CCDC88B: variants seen among roughly 807,000 people sequenced by gnomAD.
The protein encoded by CCDC88B is coiled-coil and HOOK domain protein 88B, also known as coiled-coil domain-containing protein 88B.
In CCDC88B, 138 loss-of-function variants were observed where a neutral mutation model predicts 183.7. That is an observed-to-expected ratio of 0.75 (90% confidence interval 0.65 to 0.87). The LOEUF (loss-of-function observed/expected upper bound fraction) is 0.87, where lower values mean the gene tolerates loss of function less well. Among genes scored for constraint, CCDC88B ranks in the 40% least tolerant of loss-of-function variants. The pLI is 0.00. For missense variants in CCDC88B, 1,822 were observed against 1,965.6 expected (o/e 0.93, Z 1.38); for synonymous variants, 835 against 867.5 (o/e 0.96, Z 0.66).
In CCDC88B at chr11:64,344,262, G is replaced by A; in HGVS notation, c.1721G>A (p.Trp574Ter). The A allele has an allele frequency of 6.2e-7, 1 of 1,613,746 alleles. No individual in the cohort carries two copies. The highest frequency in any genetic ancestry group is 8.5e-7 in the Non-Finnish European group (1 of 1,179,986). The stretch of plus-strand genomic sequence containing the variant: ...GCCATGGACCCCCAGGCCTCAGACT[G>A]GTCCCCGCAAGAGTCAGGCTCTCCT... ...AAAMDPQASD[W>*]SPQESGSPVE... The change falls in exon 14 of 27, where the codon TGG (tryptophan) becomes TAG (stop). Residue 574 changes from tryptophan to a stop codon, truncating the protein, a stop_gained. Coordinates refer to ENST00000356786, the MANE Select transcript of CCDC88B (RefSeq NM_032251.6). LOFTEE classifies it high-confidence loss of function. The surrounding 1 kb of genome is among the most constrained non-coding windows in gnomAD (Gnocchi z 4.5).
At chr11:64,353,625 G>C in intron 22 of CCDC88B, 90 bp from the exon 23 acceptor site, 1 of 1,582,818 alleles carries the variant, frequency 6.3e-7, no homozygotes, top group Non-Finnish European at 8.6e-7. Context: ...TGCGGCACGG[G>C]ACCAGTGCGT....
At chr11:64,347,129 A>C (rs914303768) in intron 14 of CCDC88B, among the ~76,000 whole-genome samples, 1 of 152,222 alleles carries the variant, frequency 6.6e-6, no homozygotes, top group Admixed American at 6.5e-5. Flanking sequence ...ACATGTTTAC[A>C]GGCATCTTCT....
chr11:64,352,699 T>C, intron 19 of CCDC88B, 45 bp from the exon 20 acceptor site: 1 of 1,611,956 alleles, frequency 6.2e-7, no homozygotes, highest in Admixed American at 1.7e-5. Context: ...CTGCTTGTGG[T>C]GGCCATAGGT....
rs759254323 is a variant in CCDC88B at position 64,342,286 on chromosome 11, C to T, written c.822-8C>T. 1.9e-6 allele frequency: 3 copies of T among 1,581,518 alleles called. No individual in the cohort carries two copies. The highest frequency in any genetic ancestry group is 2.3e-5 in the East Asian group (1 of 43,514). On this transcript the variant is annotated splice_polypyrimidine_tract_variant and splice_region_variant and intron_variant, in intron 8 of 26. Coordinates refer to ENST00000356786, the MANE Select transcript of CCDC88B (RefSeq NM_032251.6). ...CCCAGACCCTCCCTAGACTCCCCTT[C>T]CCTCCAGGGAGGAGAAGGCCGAGCT...
rs1322535879 is a variant in CCDC88B, at chr11:64,357,499, G to A, written c.*405G>A. ...GATCTTGAGCCTTAACTGGACATGA[G>A]GGGCATGAGAATAAAGCTGAACTGC... is the stretch of plus-strand genomic sequence containing the variant. On this transcript the variant is annotated 3_prime_UTR_variant, in exon 27 of 27. Transcript: ENST00000356786. 1 of 705,552 alleles carries A rather than the reference G, an allele frequency of 1.4e-6. No individual in the cohort carries two copies. The highest frequency in any genetic ancestry group is 2.6e-6 in the Non-Finnish European group (1 of 377,646). The allele number at this position is 705,552 out of a possible 1,614,324, so 43.7% of individuals were successfully genotyped here.
At position 64,342,621 on chromosome 11, in the gene CCDC88B, G is replaced by A. The variant is rs559011810; in HGVS notation, c.1003G>A (p.Glu335Lys). Residue 335 changes from glutamate to lysine, a missense_variant, in exon 10 of 27, where the codon GAG becomes AAG. Transcript: ENST00000356786. ...RAGRLPRLQEELRRCRERLQA... is the reference protein window; with the variant it reads ...RAGRLPRLQEKLRRCRERLQA... ...CGGCCGCCTGCCCCGCCTGCAGGAG[G>A]AGCTGAGGCGCTGCCGCGAGCGGCT... is the stretch of plus-strand genomic sequence containing the variant. 4 of 1,528,882 alleles carry A rather than the reference G, an allele frequency of 2.6e-6. No individual in the cohort carries two copies. Among genetic ancestry groups the A allele is most frequent in the Non-Finnish European group, 2.6e-6 (3 of 1,144,256 alleles). The allele number at this position is 1,528,882 out of a possible 1,614,324, so 94.7% of individuals were successfully genotyped here. A position where few individuals can be genotyped will look rare whatever the true frequency, so the allele number is the denominator to read the frequency against.
In CCDC88B at chr11:64,348,813, A is replaced by T. The variant is rs559658434; in HGVS notation, c.2617-518A>T. ...CAAAGTGGTGCAGCCCAACCGCCAA[A>T]GGCCACAGGTCACCTAGCTGGCAGC... On this transcript the variant is annotated intron_variant, in intron 14 of 26. Coordinates refer to ENST00000356786, the MANE Select transcript of CCDC88B (RefSeq NM_032251.6). 136 of 585,376 alleles carry T rather than the reference A, an allele frequency of 2.3e-4. 2 individuals carry two copies. The highest frequency in any genetic ancestry group is 2.3e-3 in the African/African-American group (122 of 53,394). The allele number at this position is 585,376 out of a possible 1,614,324, so 36.3% of individuals were successfully genotyped here. A position where few individuals can be genotyped will look rare whatever the true frequency, so the allele number is the denominator to read the frequency against.
At chr11:64,349,930 A>G in intron 16 of CCDC88B, 1 of 539,500 alleles carries the variant, frequency 1.9e-6, no homozygotes, top group Non-Finnish European at 3.3e-6. Flanking sequence ...GTCTCACCCG[A>G]GGTCCTCCAC....
chr11:64,340,327 G>A lies in CCDC88B; in HGVS notation c.60+1G>A. On this transcript the variant is annotated splice_donor_variant, in intron 1 of 26. Transcript: ENST00000356786. LOFTEE classifies it high-confidence loss of function. ...CCTGAGTGGGAGTCTGGCTACCTGG[G>A]TGAGGGGGCAGGTGGCAGCGGGTTG... 1.5e-6 allele frequency: 2 copies of A among 1,293,596 alleles called. No homozygotes were observed. The highest frequency in any genetic ancestry group is 2.0e-6 in the Non-Finnish European group (2 of 1,011,794). 80.1% of individuals were successfully genotyped at this position (1,293,596 alleles called of 1,614,324 possible).
chr11:64,341,006 G>T lies in CCDC88B; in HGVS notation c.306G>T (p.Arg102Ser), dbSNP rs763584783. The change falls in exon 3 of 27, where the codon AGG (arginine) becomes AGT (serine). Residue 102 changes from arginine to serine, a missense_variant. Coordinates refer to ENST00000356786, the MANE Select transcript of CCDC88B (RefSeq NM_032251.6). ...WNLNHLWGRL[R>S]DFYQEELQLL... ...TGAACCACCTGTGGGGCCGACTGAG[G>T]GACTTCTACCAGGTAAGGGGTCTCG... The T allele has an allele frequency of 9.3e-6, 15 of 1,610,274 alleles. No homozygotes were observed. The highest frequency in any genetic ancestry group is 1.1e-5 in the Non-Finnish European group (13 of 1,177,874).
intron 7 of CCDC88B, 92 bp downstream of exon 7, chr11:64,341,834 C>A: frequency 1.4e-6 from 2 of 1,450,386 alleles, no homozygotes; most frequent in African/African-American, 1.4e-5. Context: ...GTTTGGGGCC[C>A]AGGCATGGGG....
At chr11:64,351,047 G>A in intron 16 of CCDC88B, 113 bp from the exon 17 acceptor site, 3 of 663,534 alleles carry the variant, frequency 4.5e-6, no homozygotes, top group East Asian at 3.1e-5. Context: ...GATTGGGGCG[G>A]GGTGGACTAG....
rs2036252892 is a variant in CCDC88B, at chr11:64,349,621, A to G, written c.2815A>G (p.Met939Val). ...AAATSKEEAL[M>V]ELKTRALQLE... ...GGCGACCAGCAAGGAGGAGGCGCTG[A>G]TGGAGCTCAAGACCAGGGCCCTGCA... Residue 939 changes from methionine (M) to valine (V), a missense_variant, in exon 16 of 27, where the codon ATG becomes GTG. By Grantham distance (21) the Met-to-Val change is conservative. Coordinates refer to ENST00000356786, the MANE Select transcript of CCDC88B (RefSeq NM_032251.6). 6.2e-7 allele frequency: 1 copy of G among 1,600,660 alleles called. No individual in the cohort carries two copies. Among genetic ancestry groups the G allele is most frequent in the African/African-American group, 1.3e-5 (1 of 74,796 alleles).
At chr11:64,355,657 ATTC>A (rs1262918624) in intron 26 of CCDC88B, 29 bp downstream of exon 26, 1 of 1,580,226 alleles carries the variant, frequency 6.3e-7, no homozygotes, top group South Asian at 1.1e-5. Context: ...AAGGAGTAGT[ATTC>A]TTTGTCCTGC....
rs1282943359 is a variant in CCDC88B, at chr11:64,340,953, G to A, written c.253G>A (p.Gly85Arg). ...GGPRMLRGLD[G>R]PAAWRVWNLN... is the part of the protein sequence containing the mutation. ...ACCTCGGATGCTCAGAGGCCTTGAC[G>A]GACCTGCTGCCTGGCGAGTGTGGAA... The change falls in exon 3 of 27, where the codon GGA (glycine) becomes AGA (arginine). Residue 85 changes from glycine (G) to arginine (R), a missense_variant. Coordinates refer to ENST00000356786, the MANE Select transcript of CCDC88B (RefSeq NM_032251.6). 1.3e-6 allele frequency: 2 copies of A among 1,597,534 alleles called. No homozygotes were observed. The highest frequency in any genetic ancestry group is 1.7e-6 in the Non-Finnish European group (2 of 1,171,090).
intron 14 of CCDC88B, 87 bp downstream of exon 14, chr11:64,345,244 T>C (rs931095593): frequency 7.0e-7 from 1 of 1,421,750 alleles, no homozygotes; most frequent in African/African-American, 1.4e-5. Context: ...AGCTGTTCAG[T>C]GGGTGCCCAG....
chr11:64,340,408 T>G (rs1220052264), intron 1 of CCDC88B, 82 bp downstream of exon 1: 46 of 1,180,492 alleles, frequency 3.9e-5, no homozygotes, highest in South Asian at 1.0e-4. Flanking sequence ...CGGGGGAGGG[T>G]GAGGCAGAAC....
intron 10 of CCDC88B, 123 bp from the exon 11 acceptor site, chr11:64,343,056 G>A: frequency 8.8e-7 from 1 of 1,133,136 alleles, no homozygotes; most frequent in Non-Finnish European, 1.2e-6. Flanking sequence ...AGAGACTGAT[G>A]GGGTGCAGGG....
In CCDC88B at chr11:64,353,314, G is replaced by A. The variant is rs766548607; in HGVS notation, c.3688-37G>A. 1.2e-5 allele frequency: 19 copies of A among 1,606,516 alleles called. No individual in the cohort carries two copies. The South Asian group carries it at 2.0e-4, about 17-fold the overall frequency. On this transcript the variant is annotated intron_variant, in intron 21 of 26. Coordinates refer to ENST00000356786, the MANE Select transcript of CCDC88B (RefSeq NM_032251.6). ...GCCTAGACCCAGGTGGTCCTGAGCTGGGTCCCACCCTCCGAGCCATGGTGC... is the reference window on the plus strand; with the variant it reads ...GCCTAGACCCAGGTGGTCCTGAGCTAGGTCCCACCCTCCGAGCCATGGTGC...
Sources: allele counts gnomAD v4.1 joint callset (sites outside exome capture counted in the v4.1 genomes callset), GRCh38; gene constraint gnomAD v4.1.1; non-coding constraint Gnocchi (gnomAD v3.1); transcripts MANE v1.5; gene names NCBI Gene and HGNC (gene_info 2026-07-23, HGNC 2026-07-21).